KHDRBS2: variants seen among roughly 807,000 people sequenced by gnomAD.
KHDRBS2 encodes KH RNA binding domain containing, signal transduction associated 2.
Under a neutral mutation model 44.3 loss-of-function variants are expected in KHDRBS2, and 26 were observed. The ratio of observed to expected loss-of-function variants is 0.59; its 90% confidence interval spans 0.43 to 0.81. The LOEUF is 0.81. KHDRBS2 is among the 40% of genes least tolerant of loss of function. The pLI is 0.00. For missense variants in KHDRBS2, 476 were observed against 433.1 expected (o/e 1.10, Z -0.88); for synonymous variants, 194 against 151.1 (o/e 1.28, Z -2.08).
chr6:62,241,916 T>G (rs1226576073), intron 1 of KHDRBS2, among the ~76,000 whole-genome samples: 1 of 152,174 alleles, frequency 6.6e-6, no homozygotes, highest in African/African-American at 2.4e-5. Flanking sequence ...GGTGTTCTTT[T>G]TTTGGAAGTT....
At chr6:62,009,530 G>A (rs1779890689) in intron 3 of KHDRBS2, among the ~76,000 whole-genome samples, 2 of 152,184 alleles carry the variant, frequency 1.3e-5, no homozygotes, top group African/African-American at 4.8e-5. Context: ...CCAAGACAAT[G>A]AGGAAAATGT....
chr6:61,788,289 CTT>C (rs1784121479), intron 6 of KHDRBS2, among the ~76,000 whole-genome samples: 1 of 151,418 alleles, frequency 6.6e-6, no homozygotes, highest in Non-Finnish European at 1.5e-5. Context: ...TTACTGAAGA[CTT>C]TTACCACTTC....
intron 1 of KHDRBS2, among the ~76,000 whole-genome samples, chr6:62,241,785 A>T (rs1335823610): frequency 6.7e-6 from 1 of 148,602 alleles, no homozygotes; most frequent in African/African-American, 2.6e-5. Flanking sequence ...TATCATAATT[A>T]TCCAGGATTC....
chr6:62,214,744 C>T (rs1338574232), intron 1 of KHDRBS2, among the ~76,000 whole-genome samples: 1 of 151,942 alleles, frequency 6.6e-6, no homozygotes, highest in Non-Finnish European at 1.5e-5. Flanking sequence ...GTCTCTGTCA[C>T]ATACAGATTT....
chr6:62,105,569 G>T (rs976094803), intron 2 of KHDRBS2, among the ~76,000 whole-genome samples: 3 of 152,142 alleles, frequency 2.0e-5, no homozygotes, highest in African/African-American at 7.2e-5. Context: ...TTGCGTAGAG[G>T]TGTTTGTAGT....
intron 6 of KHDRBS2, among the ~76,000 whole-genome samples, chr6:61,781,642 T>C (rs1782945082): frequency 6.6e-6 from 1 of 152,204 alleles, no homozygotes; most frequent in African/African-American, 2.4e-5. Context: ...TGCAATTTTC[T>C]TGAATGCATA....
At chr6:61,679,941 G>A (rs1317875532), downstream of KHDRBS2, 1 of 151,892 alleles carries the variant, frequency 6.6e-6, no homozygotes, top group Admixed American at 6.6e-5. Flanking sequence ...TTTGTGTTTA[G>A]CAAGATAAAG....
chr6:61,900,166 T>A (rs1212125288), intron 5 of KHDRBS2, among the ~76,000 whole-genome samples: 3 of 152,060 alleles, frequency 2.0e-5, no homozygotes, highest in African/African-American at 7.2e-5. Flanking sequence ...TAAATAATAT[T>A]CCTTGATATT....
chr6:62,054,731 G>C (rs1319831), intron 2 of KHDRBS2, among the ~76,000 whole-genome samples: 125,771 of 151,924 alleles, frequency 0.83, 52,430 homozygotes, highest in Admixed American at 0.88. Flanking sequence ...AGCAGATTCT[G>C]CCCTAGAGCC....
At chr6:62,059,817 G>A (rs1348897054) in intron 2 of KHDRBS2, among the ~76,000 whole-genome samples, 1 of 151,626 alleles carries the variant, frequency 6.6e-6, no homozygotes, top group Non-Finnish European at 1.5e-5. Flanking sequence ...TGAGGAACAC[G>A]TATATTCAGA....
At chr6:61,706,078 G>C (rs1407950037) in intron 7 of KHDRBS2, among the ~76,000 whole-genome samples, 2 of 151,784 alleles carry the variant, frequency 1.3e-5, no homozygotes, top group African/African-American at 2.4e-5. Context: ...GAACTTCTGT[G>C]CTTTATATTC....
At chr6:62,120,740 A>G (rs1418720262) in intron 2 of KHDRBS2, among the ~76,000 whole-genome samples, 1 of 152,218 alleles carries the variant, frequency 6.6e-6, no homozygotes, top group Non-Finnish European at 1.5e-5. Flanking sequence ...TTATAAAAAT[A>G]GAGAATCATG....
intron 1 of KHDRBS2, among the ~76,000 whole-genome samples, chr6:62,220,452 GTGTA>G (rs1830722724): frequency 6.6e-6 from 1 of 151,778 alleles, no homozygotes; most frequent in African/African-American, 2.4e-5. Context: ...ATATACATAA[GTGTA>G]TGTATGTATG....
intron 6 of KHDRBS2, among the ~76,000 whole-genome samples, chr6:61,868,264 C>A (rs1294497856): frequency 1.3e-5 from 2 of 152,148 alleles, no homozygotes; most frequent in Non-Finnish European, 2.9e-5. Flanking sequence ...CCACCTGCAT[C>A]ATCTTGGACT....
the KHDRBS2 span, among the ~76,000 whole-genome samples, chr6:61,637,012 C>A: frequency 6.6e-6 from 1 of 151,728 alleles, no homozygotes; most frequent in Non-Finnish European, 1.5e-5. Context: ...ACATTAAGTT[C>A]AACATATACT....
chr6:61,791,229 A>G (rs1471547417), intron 6 of KHDRBS2, among the ~76,000 whole-genome samples: 2 of 151,098 alleles, frequency 1.3e-5, no homozygotes, highest in Non-Finnish European at 3.0e-5. Context: ...TCACTCCGGA[A>G]TGTTTCTATT....
intron 4 of KHDRBS2, among the ~76,000 whole-genome samples, chr6:61,913,448 G>A (rs561890953): frequency 6.6e-6 from 1 of 151,982 alleles, no homozygotes; most frequent in Admixed American, 6.6e-5. Context: ...AGGGCAGGAA[G>A]GGAGCATTTG....
intron 8 of KHDRBS2, among the ~76,000 whole-genome samples, chr6:61,694,696 C>G (rs1238007156): frequency 6.6e-6 from 1 of 152,144 alleles, no homozygotes; most frequent in Admixed American, 6.6e-5. Flanking sequence ...TTGGAGACAG[C>G]CTGGGATTTG....
intron 3 of KHDRBS2, among the ~76,000 whole-genome samples, chr6:62,029,834 C>G (rs1784026475): frequency 6.6e-6 from 1 of 151,812 alleles, no homozygotes. Context: ...AGATAAAATT[C>G]TATTAATATT....
Sources: gnomAD v4.1 joint callset for allele counts (sites outside exome capture counted in the v4.1 genomes callset) on GRCh38, gnomAD v4.1.1 for gene constraint, MANE v1.5 for transcripts, NCBI Gene and HGNC (gene_info 2026-07-23, HGNC 2026-07-21) for gene names.